METTL15: variants seen among roughly 807,000 people sequenced by gnomAD.
METTL15 encodes methyltransferase 15, mitochondrial 12S rRNA N4-cytidine.
A neutral mutation model predicts 38.3 loss-of-function variants in METTL15; 34 were observed. The observed-to-expected ratio is 0.89, with a 90% CI of 0.68 to 1.18. The LOEUF (loss-of-function observed/expected upper bound fraction) is 1.18, where lower values mean the gene tolerates loss of function less well. METTL15 is among the 50% of genes most tolerant of loss of function. The pLI is 0.00. For synonymous variants in METTL15, 162 were observed against 170.9 expected, an observed-to-expected ratio of 0.95 and a Z score of 0.41; for missense variants, 438 against 498.4, an observed-to-expected ratio of 0.88 and a Z score of 1.15.
intron 4 of METTL15, among the ~76,000 whole-genome samples, chr11:28,236,919 G>T (rs1171826937): frequency 2.0e-5 from 3 of 152,106 alleles, no homozygotes. Flanking sequence ...TAAGAATGTT[G>T]AATATTGGCC....
chr11:28,489,568 A>G (rs1851476236), intron 6 of METTL15, among the ~76,000 whole-genome samples: 1 of 152,074 alleles, frequency 6.6e-6, no homozygotes, highest in Non-Finnish European at 1.5e-5. Flanking sequence ...AGAACAAGCC[A>G]TGTGCCTTAG....
chr11:28,205,532 G>T (rs1852296270), intron 3 of METTL15, among the ~76,000 whole-genome samples: 1 of 152,030 alleles, frequency 6.6e-6, no homozygotes, highest in South Asian at 2.1e-4. Flanking sequence ...TTGGTTCCAG[G>T]TCTTTGCTAT....
intron 4 of METTL15, among the ~76,000 whole-genome samples, chr11:28,281,475 CT>C (rs1856053691): frequency 6.6e-6 from 1 of 152,146 alleles, no homozygotes; most frequent in South Asian, 2.1e-4. Context: ...CCTGTTTTCA[CT>C]TTTCTTTGTT....
intron 6 of METTL15, among the ~76,000 whole-genome samples, chr11:28,436,953 T>C (rs928190251): frequency 6.6e-6 from 1 of 152,172 alleles, no homozygotes; most frequent in African/African-American, 2.4e-5. Flanking sequence ...CCAGCATGGC[T>C]AGAATAAAGC....
At chr11:28,504,813 C>T (rs763573292) in intron 6 of METTL15, among the ~76,000 whole-genome samples, 3 of 152,208 alleles carry the variant, frequency 2.0e-5, no homozygotes, top group Non-Finnish European at 4.4e-5. Context: ...GTTTAAACAG[C>T]CACAGAGCAA....
At chr11:28,518,331 AGCAGCCCT>A (rs1851736461) in intron 6 of METTL15, among the ~76,000 whole-genome samples, 1 of 152,162 alleles carries the variant, frequency 6.6e-6, no homozygotes, top group Non-Finnish European at 1.5e-5. Flanking sequence ...ATATTTATGG[AGCAGCCCT>A]TAATAGGAGT....
chr11:28,463,069 G>A (rs1299663450), intron 6 of METTL15, among the ~76,000 whole-genome samples: 3 of 152,012 alleles, frequency 2.0e-5, no homozygotes, highest in Non-Finnish European at 4.4e-5. Context: ...GTTAGAGGAG[G>A]GTGACAAGTC....
At chr11:28,421,828 G>T (rs751839976) in intron 5 of METTL15, among the ~76,000 whole-genome samples, 8 of 151,972 alleles carry the variant, frequency 5.3e-5, no homozygotes, top group Non-Finnish European at 8.8e-5. Flanking sequence ...AGTACTGTAA[G>T]TCCTAGCTAG....
intron 5 of METTL15, among the ~76,000 whole-genome samples, chr11:28,385,291 C>T (rs1306222709): frequency 6.6e-6 from 1 of 152,040 alleles, no homozygotes; most frequent in Non-Finnish European, 1.5e-5. Flanking sequence ...ACATTTAAGT[C>T]CTTAATGCAT....
intron 3 of METTL15, among the ~76,000 whole-genome samples, chr11:28,162,784 T>C (rs1412307168): frequency 6.6e-6 from 1 of 152,076 alleles, no homozygotes; most frequent in Non-Finnish European, 1.5e-5. Flanking sequence ...TAAGTACTGA[T>C]TATCATGTAA....
At chr11:28,167,366 C>T (rs997611292) in intron 3 of METTL15, among the ~76,000 whole-genome samples, 2 of 152,154 alleles carry the variant, frequency 1.3e-5, no homozygotes, top group Non-Finnish European at 2.9e-5. Flanking sequence ...GAAAGCTCAG[C>T]AGTGGCAAAC....
At chr11:28,163,659 A>G (rs935905984) in intron 3 of METTL15, 7 of 390,574 alleles carry the variant, frequency 1.8e-5, no homozygotes, top group South Asian at 1.4e-4. Context: ...CCCAGAATCA[A>G]TTGCCCCAAA....
rs192115440 is a variant in METTL15, at chr11:28,267,676, A to G, written c.408-22530A>G. On this transcript the variant is annotated intron_variant, in intron 4 of 6. Transcript: ENST00000407364. ...CAGACTTCAAATATTATTTCATTTC[A>G]TTGTCTTCTCTACGTATACCAATGA... Among the ~76,000 whole-genome samples, 137 of 152,216 alleles carry G rather than the reference A, an allele frequency of 9.0e-4. 1 individual carries two copies. Among genetic ancestry groups the G allele is most frequent in the African/African-American group, 3.3e-3 (136 of 41,544 alleles).
intron 3 of METTL15, among the ~76,000 whole-genome samples, chr11:28,184,519 C>T (rs1851421360): frequency 6.6e-6 from 1 of 151,744 alleles, no homozygotes; most frequent in African/African-American, 2.4e-5. Context: ...CATTATTTAC[C>T]CAGTAGTCAT....
At chr11:28,219,077 A>G (rs1590176250) in intron 4 of METTL15, among the ~76,000 whole-genome samples, 1 of 152,204 alleles carries the variant, frequency 6.6e-6, no homozygotes, top group South Asian at 2.1e-4. Flanking sequence ...GCCTCATAAA[A>G]TGAGTTAGGG....
chr11:28,329,881 A>T (rs1466883428), intron 6 of METTL15, among the ~76,000 whole-genome samples: 1 of 152,108 alleles, frequency 6.6e-6, no homozygotes, highest in Non-Finnish European at 1.5e-5. Context: ...AACACTGTTT[A>T]TGTTATTCCA....
At chr11:28,412,732 A>G (rs7111069) in intron 5 of METTL15, among the ~76,000 whole-genome samples, 151,613 of 152,092 alleles carry the variant, frequency 1, 75,571 homozygotes, top group Non-Finnish European at 1. Context: ...TTGGTACCAT[A>G]GGTGGAGGTC....
intron 4 of METTL15, among the ~76,000 whole-genome samples, chr11:28,239,402 C>T (rs1468147678): frequency 6.6e-6 from 1 of 152,220 alleles, no homozygotes; most frequent in African/African-American, 2.4e-5. Flanking sequence ...CCCATTAACT[C>T]TACCTTCAAG....
chr11:28,211,274 G>T, intron 4 of METTL15, 76 bp downstream of exon 4: 1 of 1,400,964 alleles, frequency 7.1e-7, no homozygotes, highest in Admixed American at 2.3e-5. Flanking sequence ...CTTGGAATTT[G>T]TTCTGCTTTG....
Sources: gnomAD v4.1 joint callset for allele counts (sites outside exome capture counted in the v4.1 genomes callset) on GRCh38, gnomAD v4.1.1 for gene constraint, MANE v1.5 for transcripts, NCBI Gene and HGNC (gene_info 2026-07-23, HGNC 2026-07-21) for gene names.